The following MARCHF8 variants were observed in gnomAD, a reference collection of about 807,000 sequenced individuals.
MARCHF8 encodes membrane associated ring-CH-type finger 8.
MARCHF8 carries 40 observed loss-of-function variants against 51.6 expected under a neutral mutation model. The ratio of observed to expected loss-of-function variants is 0.77; its 90% confidence interval spans 0.60 to 1.01. MARCHF8 has a LOEUF of 1.01. Among genes scored for constraint, MARCHF8 ranks in the 50% least tolerant of loss-of-function variants. The pLI is 0.00. For synonymous variants in MARCHF8, 263 were observed against 280.3 expected (o/e 0.94, Z 0.62); for missense variants, 685 against 708.6 (o/e 0.97, Z 0.38).
rs964293664 is a variant in MARCHF8, at chr10:45,463,570, G to C, written c.669C>G (p.Ala223=). The change falls in exon 5 of 8, where the codon GCC becomes GCG. Residue 223 remains alanine (A), a synonymous_variant. Transcript: ENST00000453424. ...SKHSCVSCLS[A]GRSTASEVEA... The stretch of plus-strand genomic sequence containing the variant: ...CCACCTCTGAGGCAGTTGAGCGACC[G>C]GCAGAAAGGCATGAAACACAAGAAT... 3.2e-6 allele frequency: 5 copies of C among 1,550,524 alleles called. No individual in the cohort carries two copies. Among genetic ancestry groups the C allele is most frequent in the African/African-American group, 2.7e-5 (2 of 73,042 alleles).
chr10:45,576,037 T>C (rs1046298123), intron 1 of MARCHF8, among the ~76,000 whole-genome samples: 1 of 152,232 alleles, frequency 6.6e-6, no homozygotes, highest in Admixed American at 6.5e-5. Context: ...AAAAGCTTTA[T>C]TGCTCACACA....
intron 2 of MARCHF8, among the ~76,000 whole-genome samples, chr10:45,504,376 G>A (rs1380252449): frequency 6.6e-6 from 1 of 152,186 alleles, no homozygotes; most frequent in Non-Finnish European, 1.5e-5. Flanking sequence ...CCTGGGAGGC[G>A]GAGGTTGCGG....
At chr10:45,547,395 G>T (rs1221729982) in intron 1 of MARCHF8, among the ~76,000 whole-genome samples, 1 of 152,212 alleles carries the variant, frequency 6.6e-6, no homozygotes, top group East Asian at 1.9e-4. Flanking sequence ...AGCTTTCACA[G>T]CCATATTTCA....
chr10:45,495,584 A>G (rs912428446), intron 2 of MARCHF8, among the ~76,000 whole-genome samples: 2 of 152,116 alleles, frequency 1.3e-5, no homozygotes, highest in Non-Finnish European at 2.9e-5. Context: ...AGGCTGCCAT[A>G]AATTCCCTCT....
intron 1 of MARCHF8, among the ~76,000 whole-genome samples, chr10:45,586,124 G>A (rs146560885): frequency 9.7e-4 from 148 of 152,208 alleles, no homozygotes; most frequent in Middle Eastern, 3.4e-3. Flanking sequence ...TGACAAAAGT[G>A]TATAAAAAGT....
intron 1 of MARCHF8, among the ~76,000 whole-genome samples, chr10:45,569,369 T>C (rs537872856): frequency 6.6e-6 from 1 of 152,352 alleles, no homozygotes; most frequent in Admixed American, 6.5e-5. Flanking sequence ...ATATGGTTTT[T>C]ATCCTTCATT....
chr10:45,511,643 C>T (rs904136802), intron 2 of MARCHF8, among the ~76,000 whole-genome samples: 1 of 152,054 alleles, frequency 6.6e-6, no homozygotes, highest in Non-Finnish European at 1.5e-5. Context: ...CTCCTAACCG[C>T]GAGTGATCCG....
chr10:45,524,058 T>C (rs918818565), intron 2 of MARCHF8, among the ~76,000 whole-genome samples: 1 of 152,246 alleles, frequency 6.6e-6, no homozygotes, highest in Non-Finnish European at 1.5e-5. Context: ...GACCTCAAAG[T>C]TGCACATAAT....
intron 1 of MARCHF8, among the ~76,000 whole-genome samples, chr10:45,571,579 C>T (rs35331393): frequency 0.062 from 9,374 of 152,148 alleles, 331 homozygotes; most frequent in Non-Finnish European, 0.066. Context: ...AATTTGGTGC[C>T]GTGACTCGGA....
Position 45,461,229 on chromosome 10 carries a change from A to G in MARCHF8, c.1269+2T>C, listed in dbSNP as rs890500831. On this transcript the variant is annotated splice_donor_variant, in intron 6 of 7. Coordinates refer to ENST00000453424, the MANE Select transcript of MARCHF8 (RefSeq NM_001282866.2). LOFTEE classifies it high-confidence loss of function. ...GGTGAAGCATCCCTTCCTCCCACGT[A>G]CTTTTCTCAGTGGCTTCAGCTTGGT... The G allele has an allele frequency of 6.0e-6, 9 of 1,511,364 alleles. No homozygotes were observed. Among genetic ancestry groups the G allele is most frequent in the Non-Finnish European group, 2.7e-6 (3 of 1,125,552 alleles). 93.6% of individuals were successfully genotyped at this position (1,511,364 alleles called of 1,614,324 possible). A position where few individuals can be genotyped will look rare whatever the true frequency, so the allele number is the denominator to read the frequency against.
chr10:45,540,590 C>T (rs1363017703), intron 1 of MARCHF8, among the ~76,000 whole-genome samples: 2 of 152,184 alleles, frequency 1.3e-5, no homozygotes, highest in Admixed American at 1.3e-4. Context: ...AACTAAAGAG[C>T]TTCTGCACAG....
intron 1 of MARCHF8, among the ~76,000 whole-genome samples, chr10:45,544,915 C>T (rs1230615721): frequency 6.6e-6 from 1 of 152,106 alleles, no homozygotes; most frequent in Non-Finnish European, 1.5e-5. Flanking sequence ...TTTTGTACTA[C>T]CCCTCTCTCT....
intron 3 of MARCHF8, among the ~76,000 whole-genome samples, chr10:45,486,013 G>A (rs970912493): frequency 6.6e-6 from 1 of 152,126 alleles, no homozygotes; most frequent in Admixed American, 6.5e-5. Flanking sequence ...TCTTCCACAG[G>A]GGGCCTGCCC....
At chr10:45,466,344 C>T (rs1315436403) in intron 3 of MARCHF8, among the ~76,000 whole-genome samples, 4 of 152,222 alleles carry the variant, frequency 2.6e-5, no homozygotes, top group Non-Finnish European at 5.9e-5. Context: ...CTCTGTTCAA[C>T]ACACATAGGC....
intron 2 of MARCHF8, 107 bp downstream of exon 2, chr10:45,533,003 A>T: frequency 1.3e-6 from 1 of 754,252 alleles, no homozygotes; most frequent in Non-Finnish European, 1.9e-6. Flanking sequence ...GCTTGTCAGT[A>T]TATTATCAGA....
intron 7 of MARCHF8, 92 bp from the exon 8 acceptor site, chr10:45,458,635 T>TTTG (rs1005565068): frequency 1.0e-4 from 131 of 1,308,330 alleles, no homozygotes; most frequent in Admixed American, 3.1e-4. Context: ...CAACTGATTC[T>TTTG]TTGTTGTTGT....
At position 45,468,619 on chromosome 10, in the gene MARCHF8, G is replaced by A. The variant is rs148847642; in HGVS notation, c.154-4292C>T. ...CAAGGAGGAACGTGAAGACAGGCTG[G>A]ATAAGGATGGTTAAGAGGCCAGAAG... On this transcript the variant is annotated intron_variant, in intron 3 of 7. Coordinates refer to ENST00000453424, the MANE Select transcript of MARCHF8 (RefSeq NM_001282866.2). 2.0e-5 allele frequency among the ~76,000 whole-genome samples: 3 copies of A among 152,270 alleles called. No homozygotes were observed. The East Asian group carries it at 5.8e-4, about 29-fold the overall frequency.
intron 3 of MARCHF8, among the ~76,000 whole-genome samples, chr10:45,479,200 C>G (rs2042841371): frequency 1.3e-5 from 2 of 152,146 alleles, no homozygotes; most frequent in South Asian, 4.1e-4. Flanking sequence ...ACATGCAAAT[C>G]AATAAATGTG....
chr10:45,537,225 G>A (rs2043986103), upstream of MARCHF8, among the ~76,000 whole-genome samples: 1 of 152,056 alleles, frequency 6.6e-6, no homozygotes, highest in Admixed American at 6.6e-5. Context: ...CCAAAAGGTG[G>A]AAATAACCTA....
Sources: gnomAD v4.1 joint callset for allele counts (sites outside exome capture counted in the v4.1 genomes callset) on GRCh38, gnomAD v4.1.1 for gene constraint, MANE v1.5 for transcripts, NCBI Gene and HGNC (gene_info 2026-07-23, HGNC 2026-07-21) for gene names.